The following FGL1 variants were observed in gnomAD, a reference collection of about 807,000 sequenced individuals.
FGL1 encodes fibrinogen-like protein 1.
Under a neutral mutation model 43.7 loss-of-function variants are expected in FGL1, and 59 were observed. That is an observed-to-expected ratio of 1.35 (90% CI 1.10 to 1.68). The LOEUF (loss-of-function observed/expected upper bound fraction) is 1.68, where lower values mean the gene tolerates loss of function less well. Ranked by LOEUF, FGL1 falls within the 40% of genes most tolerant of loss-of-function variation. The probability of loss-of-function intolerance (pLI) is 0.00; values close to 1 mark genes in which losing one functional copy is unlikely to be tolerated. For missense variants in FGL1, 596 were observed against 373.0 expected (o/e 1.60, Z -4.92); for synonymous variants, 192 against 126.5 (o/e 1.52, Z -3.48).
intron 7 of FGL1, among the ~76,000 whole-genome samples, chr8:17,866,957 A>T (rs2053278231): frequency 6.6e-6 from 1 of 152,180 alleles, no homozygotes; most frequent in Non-Finnish European, 1.5e-5. Flanking sequence ...TAAGGAAAAC[A>T]CCATCATCAC....
At chr8:17,866,839 A>G (rs903023032) in intron 7 of FGL1, among the ~76,000 whole-genome samples, 2 of 152,210 alleles carry the variant, frequency 1.3e-5, no homozygotes, top group Non-Finnish European at 2.9e-5. Context: ...AGATGACTTC[A>G]TGAATTACAC....
At position 17,874,390 on chromosome 8, in the gene FGL1, G is replaced by A. The variant is rs61744652; in HGVS notation, c.376C>T (p.Arg126Ter). 90 of 1,613,784 alleles carry A rather than the reference G, an allele frequency of 5.6e-5. No homozygotes were observed. Among genetic ancestry groups the A allele is most frequent in the African/African-American group, 2.1e-4 (16 of 75,016 alleles). Residue 126 changes from arginine to a stop codon, truncating the protein, a stop_gained, in exon 4 of 8, where the codon CGA becomes TGA. Coordinates refer to ENST00000427924, the MANE Select transcript of FGL1 (RefSeq NM_004467.4). LOFTEE classifies it high-confidence loss of function. ...DGGGWTVIQR[R>*]SDGSENFNRG... Reference sequence around the variant, plus strand: ...TTAAAGTTTTCACTGCCATCAGATCGTCTCTGAATTACAGTCCATCCTCCT... The same window carrying A: ...TTAAAGTTTTCACTGCCATCAGATCATCTCTGAATTACAGTCCATCCTCCT...
At chr8:17,872,072 T>C (rs762581837) in intron 5 of FGL1, among the ~76,000 whole-genome samples, 1 of 151,974 alleles carries the variant, frequency 6.6e-6, no homozygotes, top group Non-Finnish European at 1.5e-5. Context: ...ACTAGAATAA[T>C]AGATATGTTG....
At position 17,882,133 on chromosome 8, in the gene FGL1, A is replaced by G. The variant is rs766391112; in HGVS notation, c.110T>C (p.Val37Ala). 14 of 1,613,950 alleles carry G rather than the reference A, an allele frequency of 8.7e-6. No individual in the cohort carries two copies. Among genetic ancestry groups the G allele is most frequent in the Non-Finnish European group, 1.2e-5 (14 of 1,179,996 alleles). ...AQEQMRLRAQ[V>A]RLLETRVKQQ... ...TTTGACCCGGGTCTCAAGCAGGCGC[A>G]CCTGGGCTCTGAGCCGCATCTGCTC... The change falls in exon 3 of 8, where the codon GTG (valine) becomes GCG (alanine). Residue 37 changes from valine to alanine, a missense_variant. Physicochemically the swap from Val to Ala is moderately conservative, Grantham distance 64. Coordinates refer to ENST00000427924, the MANE Select transcript of FGL1 (RefSeq NM_004467.4).
intron 3 of FGL1, 194 bp from the exon 4 acceptor site, chr8:17,874,715 G>T: frequency 2.6e-6 from 1 of 390,696 alleles, no homozygotes. Flanking sequence ...GCTAAAATTT[G>T]CCACCTGAAT....
At chr8:17,868,167 C>T (rs143329594) in intron 7 of FGL1, among the ~76,000 whole-genome samples, 7 of 152,196 alleles carry the variant, frequency 4.6e-5, no homozygotes, top group East Asian at 3.9e-4. Flanking sequence ...ACAGCAATAA[C>T]GGTGGCTCTT....
At position 17,873,954 on chromosome 8, in the gene FGL1, TA is replaced by T. The variant is rs34353097; in HGVS notation, c.502+64del. ...TTAGTTCCATTGCCTATAATTTGGT[TA>T]AAAAAAAATTTTAGTGTTGTTTTTA... On this transcript the variant is annotated intron_variant, in intron 5 of 7. Transcript: ENST00000427924. 8,819 of 1,252,498 alleles carry T rather than the reference TA, an allele frequency of 7.0e-3. 332 individuals carry two copies. The African/African-American group carries it at 0.1, about 14-fold the overall frequency. 77.6% of individuals were successfully genotyped at this position (1,252,498 alleles called of 1,614,324 possible).
At chr8:17,865,931 C>G (rs760029896) in intron 7 of FGL1, among the ~76,000 whole-genome samples, 5 of 152,252 alleles carry the variant, frequency 3.3e-5, no homozygotes, top group South Asian at 4.1e-4. Flanking sequence ...GTCCTCCTAA[C>G]TTAAATGGAC....
intron 3 of FGL1, among the ~76,000 whole-genome samples, chr8:17,881,468 G>C (rs1432580309): frequency 6.6e-6 from 1 of 151,550 alleles, no homozygotes; most frequent in Non-Finnish European, 1.5e-5. Context: ...CTATTGTCCT[G>C]ATTTCTTATT....
intron 3 of FGL1, among the ~76,000 whole-genome samples, chr8:17,875,981 C>G (rs1159306659): frequency 1.3e-5 from 2 of 152,144 alleles, no homozygotes; most frequent in Non-Finnish European, 2.9e-5. Flanking sequence ...CTAGGTTGAT[C>G]TGTACAGACT....
rs1322741455 is a variant in FGL1, at chr8:17,895,519, T to G, written c.-90A>C. The G allele has an allele frequency of 2.3e-6, 3 of 1,287,266 alleles. No individual in the cohort carries two copies. Among genetic ancestry groups the G allele is most frequent in the Non-Finnish European group, 3.0e-6 (3 of 987,172 alleles). 79.7% of individuals were successfully genotyped at this position (1,287,266 alleles called of 1,614,324 possible). The stretch of plus-strand genomic sequence containing the variant: ...ACTCTGCTTCCCAGGATCCTGTAAC[T>G]GCATTGGGAATTTGTAATTATTTCT... On this transcript the variant is annotated 5_prime_UTR_variant, in exon 1 of 8. Coordinates refer to ENST00000427924, the MANE Select transcript of FGL1 (RefSeq NM_004467.4).
intron 3 of FGL1, among the ~76,000 whole-genome samples, chr8:17,879,727 C>A (rs1484686645): frequency 3.3e-5 from 5 of 152,118 alleles, no homozygotes; most frequent in Non-Finnish European, 7.3e-5. Context: ...GCCAATTAAA[C>A]CTCTTTTCTT....
At chr8:17,867,444 C>A (rs900125181) in intron 7 of FGL1, among the ~76,000 whole-genome samples, 3 of 152,162 alleles carry the variant, frequency 2.0e-5, no homozygotes, top group Non-Finnish European at 4.4e-5. Flanking sequence ...TAGTAGTTCT[C>A]TGTTTTTTCC....
chr8:17,866,603 G>A (rs940985927), intron 7 of FGL1, among the ~76,000 whole-genome samples: 18 of 152,138 alleles, frequency 1.2e-4, no homozygotes, highest in African/African-American at 4.3e-4. Flanking sequence ...TGGGCTCTGT[G>A]GCAGGCTCCA....
chr8:17,874,434 TA>T lies in FGL1; in HGVS notation c.331del (p.Tyr111IlefsTer12). 6.2e-7 allele frequency: 1 copy of T among 1,614,142 alleles called. No homozygotes were observed. The highest frequency in any genetic ancestry group is 1.1e-5 in the South Asian group (1 of 91,078). ...TCCTCCTCCATCGGACATGTCACAA[TA>T]AACAGAAAATTCTGCTGGGCTCTGG... Reference protein sequence around the residue: ...PLQSPAEFSVYCDMSDGGGWT... With the variant: ...PLQSPAEFSVXCDMSDGGGWT... On this transcript the variant is annotated frameshift_variant, in exon 4 of 8. Coordinates refer to ENST00000427924, the MANE Select transcript of FGL1 (RefSeq NM_004467.4). LOFTEE classifies it high-confidence loss of function.
intron 5 of FGL1, among the ~76,000 whole-genome samples, chr8:17,870,597 C>A (rs2053343329): frequency 6.6e-6 from 1 of 152,166 alleles, no homozygotes; most frequent in African/African-American, 2.4e-5. Flanking sequence ...CCATCCCCAT[C>A]TCCATCACTT....
Position 17,868,976 on chromosome 8 carries a change from T to G in FGL1, c.531A>C (p.Ala177=). Residue 177 remains alanine, a synonymous_variant, in exon 6 of 8, where the codon GCA becomes GCC. Transcript: ENST00000427924. ...QEDYTLKIDL[A]DFEKNSRYAQ... is the part of the protein sequence containing the mutation. ...CATAACGGCTATTTTTTTCAAAATC[T>G]GCAAGGTCGATTTTTAAAGTGTAGT... 6.2e-7 allele frequency: 1 copy of G among 1,604,780 alleles called. No individual in the cohort carries two copies.
At chr8:17,875,535 C>CTTTCTTTCTTTCTTTCTTTCCTT (rs1554564386) in intron 3 of FGL1, among the ~76,000 whole-genome samples, 1 of 25,456 alleles carries the variant, frequency 3.9e-5, no homozygotes, top group Non-Finnish European at 9.3e-5. Context: ...TTCTTTCTTT[C>CTTTCTTTCTTTCTTTCTTTCCTT]TCTTTCTTTC....
intron 1 of FGL1, among the ~76,000 whole-genome samples, chr8:17,895,025 A>G (rs2053754992): frequency 6.6e-6 from 1 of 151,750 alleles, no homozygotes; most frequent in African/African-American, 2.4e-5. Context: ...TGAAATGTTC[A>G]TCTCATTACC....
Sources: allele counts gnomAD v4.1 joint callset (sites outside exome capture counted in the v4.1 genomes callset), GRCh38; gene constraint gnomAD v4.1.1; transcripts MANE v1.5; gene names NCBI Gene and HGNC (gene_info 2026-07-23, HGNC 2026-07-21).